MAPK10: variants seen among roughly 807,000 people sequenced by gnomAD.
MAPK10 encodes JNK3 alpha protein kinase.
In MAPK10, 25 loss-of-function variants were observed where a neutral mutation model predicts 59.3. That is an observed-to-expected ratio of 0.42 (90% CI 0.31 to 0.59). The LOEUF (loss-of-function observed/expected upper bound fraction) is 0.59, where lower values mean the gene tolerates loss of function less well. Among genes scored for constraint, MAPK10 ranks in the 20% least tolerant of loss-of-function variants. MAPK10 has a pLI of 0.15. For missense variants in MAPK10, 351 were observed against 568.9 expected, an observed-to-expected ratio of 0.62 and a Z score of 3.90; for synonymous variants, 190 against 200.5, an observed-to-expected ratio of 0.95 and a Z score of 0.44.
chr4:86,314,087 G>A (rs2095726383), intron 2 of MAPK10, among the ~76,000 whole-genome samples: 3 of 152,128 alleles, frequency 2.0e-5, no homozygotes, highest in Non-Finnish European at 4.4e-5. Context: ...AACAAAAACA[G>A]TATTTACCAT....
chr4:86,524,529 C>G (rs1406252895), intron 1 of MAPK10, among the ~76,000 whole-genome samples: 1 of 152,284 alleles, frequency 6.6e-6, no homozygotes, highest in East Asian at 1.9e-4. Flanking sequence ...TCCTAGTTAT[C>G]TCCATTGTCT....
intron 2 of MAPK10, among the ~76,000 whole-genome samples, chr4:86,224,026 A>G (rs12510373): frequency 0.085 from 12,916 of 152,172 alleles, 1,211 homozygotes; most frequent in African/African-American, 0.23. Context: ...GACATACCCT[A>G]GTTTTTATGT....
At chr4:86,548,364 G>A (rs906869323) in intron 1 of MAPK10, among the ~76,000 whole-genome samples, 3 of 152,276 alleles carry the variant, frequency 2.0e-5, no homozygotes, top group East Asian at 3.9e-4. Flanking sequence ...CCACCTTTAA[G>A]AACTGTAACA....
chr4:86,403,440 C>T (rs1038937316), intron 1 of MAPK10, among the ~76,000 whole-genome samples: 4 of 151,990 alleles, frequency 2.6e-5, no homozygotes, highest in Non-Finnish European at 2.9e-5. Context: ...TGCTTGAACC[C>T]GGGAGACAGA....
intron 4 of MAPK10, among the ~76,000 whole-genome samples, chr4:86,141,073 G>T (rs1039948141): frequency 3.6e-4 from 54 of 152,028 alleles, no homozygotes; most frequent in African/African-American, 1.2e-3. Flanking sequence ...GGAAATTAAG[G>T]CCTAAAAATA....
Position 86,064,372 on chromosome 4 carries a change from A to G in MAPK10, c.1004T>C (p.Leu335Ser), listed in dbSNP as rs1255789663. 6.2e-7 allele frequency: 1 copy of G among 1,614,054 alleles called. No individual in the cohort carries two copies. The highest frequency in any genetic ancestry group is 8.5e-7 in the Non-Finnish European group (1 of 1,180,028). The change falls in exon 11 of 14, where the codon TTG (leucine) becomes TCG (serine). Residue 335 changes from leucine (L) to serine (S), a missense_variant. By Grantham distance (145) the Leu-to-Ser change is moderately radical. Transcript: ENST00000641462. ...NKLKASQARD[L>S]LSKMLVIDPA... The stretch of plus-strand genomic sequence containing the variant: ...GTCAATCACTAGCATCTTTGACAAC[A>G]AGTCCCTGGCTTGGCTGGCTGAAAC...
chr4:86,149,307 C>G (rs971700455), intron 4 of MAPK10, among the ~76,000 whole-genome samples: 1 of 152,156 alleles, frequency 6.6e-6, no homozygotes, highest in Non-Finnish European at 1.5e-5. Flanking sequence ...CATTCTTCCA[C>G]CCAGGCTGGA....
intron 4 of MAPK10, among the ~76,000 whole-genome samples, chr4:86,151,041 G>A (rs898381334): frequency 6.6e-6 from 1 of 152,122 alleles, no homozygotes; most frequent in Admixed American, 6.5e-5. Context: ...GTCGTCCATA[G>A]GCAGGGGAGA....
At chr4:86,544,913 C>T (rs553098595) in intron 1 of MAPK10, among the ~76,000 whole-genome samples, 2 of 143,480 alleles carry the variant, frequency 1.4e-5, no homozygotes, top group Non-Finnish European at 3.0e-5. Context: ...CAACAGGAAA[C>T]AAAATCTTCA....
chr4:86,112,415 CTT>C (rs2057642282), intron 4 of MAPK10, among the ~76,000 whole-genome samples: 1 of 152,132 alleles, frequency 6.6e-6, no homozygotes, highest in African/African-American at 2.4e-5. Flanking sequence ...TATGTTGTCT[CTT>C]TGTTCTCATT....
At chr4:86,408,241 TA>T (rs1252230392) in intron 1 of MAPK10, among the ~76,000 whole-genome samples, 1 of 152,212 alleles carries the variant, frequency 6.6e-6, no homozygotes, top group Non-Finnish European at 1.5e-5. Context: ...CATCATTTTT[TA>T]TGGCTGCATA....
chr4:86,413,078 TG>T (rs1745405950), intron 1 of MAPK10, among the ~76,000 whole-genome samples: 1 of 152,170 alleles, frequency 6.6e-6, no homozygotes, highest in East Asian at 1.9e-4. Flanking sequence ...GACCTACAGA[TG>T]GGGTTTTGGT....
intron 2 of MAPK10, among the ~76,000 whole-genome samples, chr4:86,251,462 G>T (rs2093426848): frequency 6.9e-6 from 1 of 144,328 alleles, no homozygotes. Context: ...TACTGAGAAT[G>T]ATGGTTTCCA....
chr4:86,242,218 G>A (rs998250122), intron 2 of MAPK10, among the ~76,000 whole-genome samples: 1 of 152,118 alleles, frequency 6.6e-6, no homozygotes, highest in Non-Finnish European at 1.5e-5. Context: ...GCAAAGATGG[G>A]TGCCTACTCC....
chr4:86,071,219 G>A (rs374036689), intron 9 of MAPK10, among the ~76,000 whole-genome samples: 30 of 152,038 alleles, frequency 2.0e-4, no homozygotes, highest in East Asian at 1.7e-3. Context: ...GATGACCTTC[G>A]CCCACTTTTT....
chr4:86,383,690 A>C (rs533367190), intron 1 of MAPK10, among the ~76,000 whole-genome samples: 25 of 152,156 alleles, frequency 1.6e-4, no homozygotes, highest in Non-Finnish European at 2.5e-4. Flanking sequence ...CTTGTTTTCT[A>C]ATAGAGAATA....
intron 1 of MAPK10, among the ~76,000 whole-genome samples, chr4:86,583,247 T>C (rs1212840654): frequency 6.6e-6 from 1 of 152,164 alleles, no homozygotes; most frequent in Non-Finnish European, 1.5e-5. Context: ...ATGGTCTCGA[T>C]TGCCTGGCCT....
intron 5 of MAPK10, among the ~76,000 whole-genome samples, chr4:86,105,156 G>T (rs754767314): frequency 1.3e-5 from 2 of 152,086 alleles, no homozygotes; most frequent in African/African-American, 4.8e-5. Context: ...CCATAAAGAA[G>T]TATTTTCTAA....
At chr4:86,206,712 T>A (rs1396366794) in intron 2 of MAPK10, among the ~76,000 whole-genome samples, 12 of 152,130 alleles carry the variant, frequency 7.9e-5, no homozygotes, top group Admixed American at 7.9e-4. Flanking sequence ...CACCTGTCAT[T>A]TCCTGACTTT....
Sources: gnomAD v4.1 joint callset for allele counts (sites outside exome capture counted in the v4.1 genomes callset) on GRCh38, gnomAD v4.1.1 for gene constraint, MANE v1.5 for transcripts, NCBI Gene and HGNC (gene_info 2026-07-23, HGNC 2026-07-21) for gene names.